ARMH4: variants seen among roughly 807,000 people sequenced by gnomAD.
The protein encoded by ARMH4 is armadillo like helical domain containing 4.
In ARMH4, 49 loss-of-function variants were observed where a neutral mutation model predicts 61.9. The ratio of observed to expected loss-of-function variants is 0.79; its 90% CI spans 0.63 to 1.00. The LOEUF (loss-of-function observed/expected upper bound fraction) is 1.00. ARMH4 is among the 50% of genes least tolerant of loss of function. The pLI, the probability that ARMH4 is intolerant of heterozygous loss-of-function variation, is 0.00. For missense variants in ARMH4, 934 were observed against 930.0 expected, an observed-to-expected ratio of 1.00 and a Z score of -0.06; for synonymous variants, 368 against 341.5, an observed-to-expected ratio of 1.08 and a Z score of -0.85.
chr14:58,143,650 G>C (rs1462792894), intron 1 of ARMH4, among the ~76,000 whole-genome samples: 2 of 151,694 alleles, frequency 1.3e-5, no homozygotes, highest in Non-Finnish European at 2.9e-5. Context: ...TTTTAATAGA[G>C]ACAGGGTTTC....
intron 5 of ARMH4, among the ~76,000 whole-genome samples, chr14:58,017,570 AT>A (rs1334561731): frequency 6.6e-6 from 1 of 152,206 alleles, no homozygotes; most frequent in African/African-American, 2.4e-5. Context: ...CATAAATTTA[AT>A]CAAGGAGGTG....
At chr14:58,048,394 G>A (rs1884009552) in intron 5 of ARMH4, among the ~76,000 whole-genome samples, 1 of 152,212 alleles carries the variant, frequency 6.6e-6, no homozygotes, top group Admixed American at 6.5e-5. Context: ...CGACTTTAAT[G>A]AACGGCATTT....
intron 5 of ARMH4, among the ~76,000 whole-genome samples, chr14:58,043,611 T>C (rs56197040): frequency 0.14 from 21,541 of 151,986 alleles, 2,078 homozygotes; most frequent in East Asian, 0.49. Flanking sequence ...CCAGGGCAAT[T>C]AGGCAGGAGA....
In ARMH4 at chr14:58,138,409, G is replaced by T; in HGVS notation, c.950C>A (p.Thr317Asn). 6.2e-7 allele frequency: 1 copy of T among 1,614,162 alleles called. No homozygotes were observed. The highest frequency in any genetic ancestry group is 8.5e-7 in the Non-Finnish European group (1 of 1,180,038). ...ASALSDEWDD[T>N]KLESVSRIRT... ...TATCCGGCTTACACTCTCTAATTTG[G>T]TGTCATCCCACTCATCACTTAAGGC... Residue 317 changes from threonine (T) to asparagine (N), a missense_variant, in exon 2 of 8, where the codon ACC becomes AAC. Coordinates refer to ENST00000267485, the MANE Select transcript of ARMH4 (RefSeq NM_001001872.4).
At chr14:58,023,133 T>G (rs1007251911) in intron 5 of ARMH4, among the ~76,000 whole-genome samples, 1 of 152,236 alleles carries the variant, frequency 6.6e-6, no homozygotes, top group African/African-American at 2.4e-5. Flanking sequence ...GCTGTGTCGA[T>G]TTCTTAAAAT....
At chr14:58,106,747 C>T (rs1886177755) in intron 4 of ARMH4, among the ~76,000 whole-genome samples, 1 of 151,784 alleles carries the variant, frequency 6.6e-6, no homozygotes, top group African/African-American at 2.4e-5. Context: ...ACATTGTTAG[C>T]TAACAGGGAA....
intron 5 of ARMH4, among the ~76,000 whole-genome samples, chr14:58,076,422 G>A (rs1365161231): frequency 1.3e-5 from 2 of 152,160 alleles, no homozygotes; most frequent in African/African-American, 4.8e-5. Flanking sequence ...GACTGGAAAG[G>A]ACTAAGTGCA....
chr14:58,107,724 A>G (rs190426634), intron 4 of ARMH4, among the ~76,000 whole-genome samples: 1,832 of 145,404 alleles, frequency 0.013, 23 homozygotes, highest in South Asian at 0.029. Flanking sequence ...AGATTACGCC[A>G]TTGCACTCCA....
rs1034621931 is a variant in ARMH4 at position 58,106,618 on chromosome 14, T to C, written c.1832-9637A>G. On this transcript the variant is annotated intron_variant, in intron 4 of 7. Transcript: ENST00000267485. ...CCTCTCTTAGCCAACTTTATCTGTC[T>C]GGCAGATCTCTGACAATCTCTTAAC... Among the ~76,000 whole-genome samples the C allele has an allele frequency of 2.6e-5, 4 of 152,224 alleles. No homozygotes were observed. In the East Asian group the frequency reaches 7.7e-4, roughly 29 times the overall value.
At chr14:58,112,543 A>G (rs1190901717) in intron 4 of ARMH4, among the ~76,000 whole-genome samples, 1 of 152,098 alleles carries the variant, frequency 6.6e-6, no homozygotes, top group Admixed American at 6.6e-5. Flanking sequence ...TTCTTACTCC[A>G]TAAATTAGAA....
chr14:58,119,795 T>C (rs1030464148), intron 4 of ARMH4, among the ~76,000 whole-genome samples: 4 of 152,206 alleles, frequency 2.6e-5, no homozygotes, highest in African/African-American at 9.6e-5. Flanking sequence ...TAAAAGCTAT[T>C]CTTAAGAAAT....
chr14:58,081,702 C>T (rs1258359004), intron 5 of ARMH4, among the ~76,000 whole-genome samples: 1 of 151,564 alleles, frequency 6.6e-6, no homozygotes, highest in Non-Finnish European at 1.5e-5. Context: ...TGGGGTTTCA[C>T]CGTGTTAGTT....
chr14:58,026,509 C>T (rs1267752583), intron 5 of ARMH4, among the ~76,000 whole-genome samples: 1 of 152,100 alleles, frequency 6.6e-6, no homozygotes, highest in East Asian at 1.9e-4. Context: ...ATCTTCAATT[C>T]ATTGGTGAAA....
intron 5 of ARMH4, among the ~76,000 whole-genome samples, chr14:58,067,857 T>C (rs538262966): frequency 1.3e-5 from 2 of 152,166 alleles, no homozygotes; most frequent in South Asian, 2.1e-4. Context: ...CTTATGAAAA[T>C]ATGTAAAATA....
rs370534913 is a variant in ARMH4 at position 58,004,819 on chromosome 14, C to T, written c.2257-15G>A. On this transcript the variant is annotated splice_polypyrimidine_tract_variant and intron_variant, in intron 7 of 7. Transcript: ENST00000267485. ...AATTCTCTCTGCTAGAGAAAGAAAA[C>T]AGAAAAGCATTAAACTCTTTCTGCC... The T allele has an allele frequency of 2.5e-6, 4 of 1,604,736 alleles. No individual in the cohort carries two copies. In the African/African-American group the frequency reaches 5.4e-5, roughly 21 times the overall value.
chr14:58,012,155 G>GA lies in ARMH4; in HGVS notation c.2090-6dup, dbSNP rs3837616. On this transcript the variant is annotated splice_polypyrimidine_tract_variant and splice_region_variant and intron_variant, in intron 5 of 7. Coordinates refer to ENST00000267485, the MANE Select transcript of ARMH4 (RefSeq NM_001001872.4). The stretch of plus-strand genomic sequence containing the variant: ...ATTTTTCCATCCAGCTTCTCACTAG[G>GA]AAAAAAATAAGATAATAAAATGAAA... 8 of 1,346,738 alleles carry GA rather than the reference G, an allele frequency of 5.9e-6. No homozygotes were observed. The South Asian group carries it at 9.1e-5, about 15-fold the overall frequency. The allele number at this position is 1,346,738 out of a possible 1,614,324, so 83.4% of individuals were successfully genotyped here.
At chr14:58,100,475 T>C (rs776244690) in intron 4 of ARMH4, among the ~76,000 whole-genome samples, 12 of 152,164 alleles carry the variant, frequency 7.9e-5, no homozygotes, top group Non-Finnish European at 1.5e-4. Flanking sequence ...AAGAGCTCAA[T>C]TGAGAGTGTG....
chr14:58,147,969 G>A (rs1002069748), intron 1 of ARMH4, among the ~76,000 whole-genome samples: 1 of 152,140 alleles, frequency 6.6e-6, no homozygotes, highest in Admixed American at 6.5e-5. Flanking sequence ...CATACCACTG[G>A]TGCCCAGTAT....
chr14:58,006,324 A>AT (rs1172336112), intron 6 of ARMH4, among the ~76,000 whole-genome samples: 2 of 152,226 alleles, frequency 1.3e-5, no homozygotes, highest in South Asian at 2.1e-4. Flanking sequence ...TTATATGACT[A>AT]TTTTTTAAAT....
Sources: gnomAD v4.1 joint callset for allele counts (sites outside exome capture counted in the v4.1 genomes callset) on GRCh38, gnomAD v4.1.1 for gene constraint, MANE v1.5 for transcripts, NCBI Gene and HGNC (gene_info 2026-07-23, HGNC 2026-07-21) for gene names.